Variants in ACP6 observed in about 807,000 individuals in gnomAD.
The protein encoded by ACP6 is acid phosphatase 6, lysophosphatidic.
In ACP6, 48 loss-of-function variants were observed where a neutral mutation model predicts 48.1. The ratio of observed to expected loss-of-function variants is 1.00; its 90% CI spans 0.79 to 1.27. ACP6 has a LOEUF of 1.27. ACP6 is among the 50% of genes most tolerant of loss of function. ACP6 has a pLI of 0.00. For synonymous variants in ACP6, 172 were observed against 204.2 expected (o/e 0.84, Z 1.34); for missense variants, 485 against 529.1 (o/e 0.92, Z 0.82).
downstream of ACP6, among the ~76,000 whole-genome samples, chr1:147,639,246 A>G (rs1659387357): frequency 6.6e-6 from 1 of 152,134 alleles, no homozygotes; most frequent in African/African-American, 2.4e-5. Flanking sequence ...GTTTCCAGGG[A>G]TATTTCCCCA....
intron 1 of ACP6, among the ~76,000 whole-genome samples, chr1:147,665,302 T>G (rs1570982019): frequency 6.6e-6 from 1 of 152,196 alleles, no homozygotes. Flanking sequence ...CATGAGAGCC[T>G]AAGGCCTCAT....
chr1:147,658,907 T>G, intron 4 of ACP6, 53 bp downstream of exon 4: 3 of 1,501,440 alleles, frequency 2.0e-6, no homozygotes, highest in Non-Finnish European at 2.7e-6. Context: ...GCTTCGGAAG[T>G]GAGAAGCAAG....
intron 5 of ACP6, among the ~76,000 whole-genome samples, chr1:147,632,938 A>G (rs191180548): frequency 6.6e-6 from 1 of 152,184 alleles, no homozygotes; most frequent in African/African-American, 2.4e-5. Context: ...CAATCACTGG[A>G]GAAGAGGTAG....
rs1232115674 is a variant in ACP6 at position 147,642,348 on chromosome 1, T to C, written c.*5075A>G. 6.6e-6 allele frequency: 1 copy of C among 152,094 alleles called. No individual in the cohort carries two copies. Among genetic ancestry groups the C allele is most frequent in the Non-Finnish European group, 1.5e-5 (1 of 68,032 alleles). 9.4% of individuals were successfully genotyped at this position (152,094 alleles called of 1,614,324 possible). A position where few individuals can be genotyped will look rare whatever the true frequency, so the allele number is the denominator to read the frequency against. On this transcript the variant is annotated 3_prime_UTR_variant, in exon 10 of 10. Coordinates refer to ENST00000583509, the MANE Select transcript of ACP6 (RefSeq NM_016361.5). ...AAAAGACAAGACAAACAACCTTCTA[T>C]TGAAGGACAAACAGAAACACGGGAG...
At chr1:147,639,516 T>C (rs1466400792), downstream of ACP6, among the ~76,000 whole-genome samples, 2 of 152,172 alleles carry the variant, frequency 1.3e-5, no homozygotes, top group South Asian at 2.1e-4. Flanking sequence ...CCAAGTGTTA[T>C]ACAACCCTCC....
At chr1:147,666,013 G>C (rs1293608877) in intron 1 of ACP6, among the ~76,000 whole-genome samples, 1 of 152,176 alleles carries the variant, frequency 6.6e-6, no homozygotes, top group Non-Finnish European at 1.5e-5. Flanking sequence ...CCAATTCAAA[G>C]TAGGCAAGAA....
Position 147,659,415 on chromosome 1 carries a change from A to T in ACP6, c.460T>A (p.Phe154Ile), listed in dbSNP as rs146298808. Residue 154 changes from phenylalanine to isoleucine, a missense_variant, in exon 3 of 10, where the codon TTC becomes ATC. Coordinates refer to ENST00000583509, the MANE Select transcript of ACP6 (RefSeq NM_016361.5). ...ACTCACAAGACCTCCTGTGGGTTGA[A>T]GGTTGGTGAAAGAAAGGGAATGTCT... ...VEDIPFLSPT[F>I]NPQEVFIRST... 1.3e-4 allele frequency: 208 copies of T among 1,614,058 alleles called. No homozygotes were observed. The highest frequency in any genetic ancestry group is 2.2e-4 in the Admixed American group (13 of 60,008).
At chr1:147,659,236 G>C in intron 3 of ACP6, 160 bp downstream of exon 3, 1 of 1,145,532 alleles carries the variant, frequency 8.7e-7, no homozygotes, top group Admixed American at 2.7e-5. Context: ...CTCCAGGAAC[G>C]ACCTGTTCAC....
chr1:147,654,463 T>C, intron 5 of ACP6, 137 bp from the exon 6 acceptor site: 1 of 904,946 alleles, frequency 1.1e-6, no homozygotes, highest in Non-Finnish European at 1.6e-6. Flanking sequence ...TTATCCCAAT[T>C]TTATAGATGA....
downstream of ACP6, among the ~76,000 whole-genome samples, chr1:147,641,982 T>C (rs1659466544): frequency 6.6e-6 from 1 of 152,238 alleles, no homozygotes; most frequent in Admixed American, 6.5e-5. Context: ...ATAAGAATAC[T>C]TGAAGGCACT....
At chr1:147,663,646 T>TA (rs1490044075) in intron 1 of ACP6, among the ~76,000 whole-genome samples, 3 of 151,988 alleles carry the variant, frequency 2.0e-5, no homozygotes, top group East Asian at 1.9e-4. Context: ...CCCCATCTCT[T>TA]AAAAAAATTT....
rs1553209960 is a variant in ACP6, at chr1:147,648,428, C to T, written c.978-17G>A. On this transcript the variant is annotated splice_polypyrimidine_tract_variant and intron_variant, in intron 8 of 9. Coordinates refer to ENST00000583509, the MANE Select transcript of ACP6 (RefSeq NM_016361.5). ...TACAGCTTTCTGCAAGAGGAAACAG[C>T]TCTCCACAATTCTCTGCCTCAGGAC... 1.2e-6 allele frequency: 2 copies of T among 1,613,532 alleles called. No individual in the cohort carries two copies. The highest frequency in any genetic ancestry group is 1.3e-5 in the African/African-American group (1 of 74,920).
intron 6 of ACP6, among the ~76,000 whole-genome samples, chr1:147,653,092 G>T (rs1170177668): frequency 2.8e-4 from 43 of 152,222 alleles, no homozygotes; most frequent in African/African-American, 1.0e-3. Context: ...CTCCCAAATT[G>T]CTGGGATTAC....
At chr1:147,637,803 A>G (rs1243843233), downstream of ACP6, among the ~76,000 whole-genome samples, 1 of 152,244 alleles carries the variant, frequency 6.6e-6, no homozygotes, top group Non-Finnish European at 1.5e-5. Flanking sequence ...AACTGATATC[A>G]GCACAAACAT....
Position 147,644,333 on chromosome 1 carries a change from A to G in ACP6, c.*3090T>C, listed in dbSNP as rs1180076962. The G allele has an allele frequency of 3.9e-5, 6 of 152,222 alleles. No individual in the cohort carries two copies. The highest frequency in any genetic ancestry group is 1.2e-4 in the African/African-American group (5 of 41,464). The allele number at this position is 152,222 out of a possible 1,614,324, so 9.4% of individuals were successfully genotyped here. A position where few individuals can be genotyped will look rare whatever the true frequency, so the allele number is the denominator to read the frequency against. On this transcript the variant is annotated 3_prime_UTR_variant, in exon 10 of 10. Transcript: ENST00000583509. ...AGAAAGTAAAAAGTTTTTATTACAA[A>G]AAAGAAGAAGAATGGTAAGATGGCG...
chr1:147,651,808 C>T (rs187518768), intron 7 of ACP6: 10 of 152,214 alleles, frequency 6.6e-5, no homozygotes, highest in Admixed American at 3.9e-4. Context: ...ATCAAGTCAC[C>T]TATTTTTAGT....
At chr1:147,657,716 G>A (rs1168811564) in intron 4 of ACP6, among the ~76,000 whole-genome samples, 2 of 152,092 alleles carry the variant, frequency 1.3e-5, no homozygotes, top group Admixed American at 1.3e-4. Context: ...ACTGTGCCTG[G>A]CCCCTTCTGG....
intron 3 of ACP6, 37 bp downstream of exon 3, chr1:147,659,359 T>G: frequency 6.2e-7 from 1 of 1,606,944 alleles, no homozygotes; most frequent in South Asian, 1.1e-5. Flanking sequence ...GTTCAAGACC[T>G]TAAATTAAGT....
At chr1:147,655,071 T>C in intron 5 of ACP6, 90 bp downstream of exon 5, 1 of 1,071,514 alleles carries the variant, frequency 9.3e-7, no homozygotes, top group East Asian at 2.6e-5. Context: ...AGGGTAAGCC[T>C]GGACAGGCCC....
Sources: gnomAD v4.1 joint callset for allele counts (sites outside exome capture counted in the v4.1 genomes callset) on GRCh38, gnomAD v4.1.1 for gene constraint, MANE v1.5 for transcripts, NCBI Gene and HGNC (gene_info 2026-07-23, HGNC 2026-07-21) for gene names.